BCAS3: variants seen among roughly 807,000 people sequenced by gnomAD.
The protein encoded by BCAS3 is BCAS4/BCAS3 fusion.
A neutral mutation model predicts 116.1 loss-of-function variants in BCAS3; 53 were observed. The observed-to-expected ratio is 0.46, with a 90% CI of 0.37 to 0.57. The LOEUF (loss-of-function observed/expected upper bound fraction) is 0.57. Ranked by LOEUF, BCAS3 falls within the 20% of genes least tolerant of loss-of-function variation. BCAS3 has a pLI of 0.00. For synonymous variants in BCAS3, 391 were observed against 408.2 expected (o/e 0.96, Z 0.51); for missense variants, 917 against 1,165.4 (o/e 0.79, Z 3.10).
chr17:61,034,811 A>AT lies in BCAS3; in HGVS notation c.1762+22dup. 1 of 1,580,134 alleles carries AT rather than the reference A, an allele frequency of 6.3e-7. No individual in the cohort carries two copies. Among genetic ancestry groups the AT allele is most frequent in the African/African-American group, 1.4e-5 (1 of 72,850 alleles). On this transcript the variant is annotated intron_variant, in intron 17 of 23. Transcript: ENST00000407086. This position sits in a 1 kb window ranked among gnomAD's most constrained non-coding sequence, Gnocchi z 5.0. ...AAAAGGTATGTATTTTTACTGAAAA[A>AT]TGAATGCTCTATTTGTAATTTTTGC...
At chr17:61,172,142 A>G (rs2078873360) in intron 22 of BCAS3, among the ~76,000 whole-genome samples, 1 of 152,238 alleles carries the variant, frequency 6.6e-6, no homozygotes, top group African/African-American at 2.4e-5. Context: ...AATTGGGTGA[A>G]CACACAATTA....
At chr17:60,879,429 A>C (rs977676673) in intron 9 of BCAS3, among the ~76,000 whole-genome samples, 7 of 152,206 alleles carry the variant, frequency 4.6e-5, no homozygotes, top group African/African-American at 1.4e-4. Flanking sequence ...GGAACAGGTA[A>C]AGAGAGCTGA....
At chr17:60,875,678 A>G (rs2144920119) in intron 9 of BCAS3, among the ~76,000 whole-genome samples, 1 of 152,154 alleles carries the variant, frequency 6.6e-6, no homozygotes, top group South Asian at 2.1e-4. Flanking sequence ...TAAATATACA[A>G]ATGTCTTCAA....
chr17:61,147,668 C>T (rs1004974005), intron 22 of BCAS3, among the ~76,000 whole-genome samples: 1 of 152,138 alleles, frequency 6.6e-6, no homozygotes, highest in African/African-American at 2.4e-5. Context: ...CTCAATAAAG[C>T]TTTGGGGGAT....
At position 61,204,028 on chromosome 17, in the gene BCAS3, C is replaced by T. The variant is rs1261301278; in HGVS notation, c.2425+119464C>T. Among the ~76,000 whole-genome samples the T allele has an allele frequency of 6.6e-6, 1 of 152,154 alleles. No homozygotes were observed. Among genetic ancestry groups the T allele is most frequent in the African/African-American group, 2.4e-5 (1 of 41,436 alleles). ...TCCTCGGGTTGTTCAGCCTGGTGAC[C>T]CTAGCCGCCTGTGATTTACTAACTG... On this transcript the variant is annotated intron_variant, in intron 22 of 23. Coordinates refer to ENST00000407086, the MANE Select transcript of BCAS3 (RefSeq NM_017679.5). The surrounding 1 kb of genome is among the most constrained non-coding windows in gnomAD (Gnocchi z 4.2).
chr17:60,872,834 TAC>T (rs748891058), intron 8 of BCAS3, among the ~76,000 whole-genome samples: 8 of 150,294 alleles, frequency 5.3e-5, no homozygotes, highest in Admixed American at 1.3e-4. Context: ...TATACACACA[TAC>T]ACACACACAC....
chr17:60,872,511 C>G (rs1019258929), intron 8 of BCAS3, among the ~76,000 whole-genome samples: 8 of 147,158 alleles, frequency 5.4e-5, no homozygotes, highest in African/African-American at 2.0e-4. Flanking sequence ...TACACACATA[C>G]ACACCCCATA....
At position 61,367,003 on chromosome 17, in the gene BCAS3, A is replaced by G. The variant is rs890542932; in HGVS notation, c.2426-1324A>G. Among the ~76,000 whole-genome samples the G allele has an allele frequency of 6.6e-6, 1 of 152,200 alleles. No homozygotes were observed. The highest frequency in any genetic ancestry group is 1.5e-5 in the Non-Finnish European group (1 of 68,028). ...TTATCACCTCAATGCTGTGGCCATT[A>G]TCAGAGGCAGGACCGCCTGCCGAGG... On this transcript the variant is annotated intron_variant, in intron 22 of 23. Transcript: ENST00000407086. This position sits in a 1 kb window ranked among gnomAD's most constrained non-coding sequence, Gnocchi z 6.2.
intron 22 of BCAS3, among the ~76,000 whole-genome samples, chr17:61,175,303 A>T (rs1428289857): frequency 6.6e-6 from 1 of 151,892 alleles, no homozygotes; most frequent in Admixed American, 6.6e-5. Flanking sequence ...GCTACTCAGG[A>T]GACTGAGGCA....
Position 60,678,979 on chromosome 17 carries a change from T to C in BCAS3, c.-5-474T>C, listed in dbSNP as rs566881980. On this transcript the variant is annotated intron_variant, in intron 1 of 23. Coordinates refer to ENST00000407086, the MANE Select transcript of BCAS3 (RefSeq NM_017679.5). Reference sequence around the variant, plus strand: ...TGGCTCAAGCCTATAATCCCAGCACTTTGGGAGGCTAAGGCGGATGGATTG... The same window carrying C: ...TGGCTCAAGCCTATAATCCCAGCACCTTGGGAGGCTAAGGCGGATGGATTG... 2.6e-5 allele frequency among the ~76,000 whole-genome samples: 4 copies of C among 152,288 alleles called. No homozygotes were observed. In the South Asian group the frequency reaches 8.3e-4, roughly 32 times the overall value.
Position 61,235,742 on chromosome 17 carries a change from GA to G in BCAS3, c.2426-132578del, listed in dbSNP as rs536236921. Among the ~76,000 whole-genome samples, 350 of 151,886 alleles carry G rather than the reference GA, an allele frequency of 2.3e-3. 1 individual carries two copies. Among genetic ancestry groups the G allele is most frequent in the Non-Finnish European group, 3.6e-3 (243 of 67,912 alleles). ...AGAAGAAGGAGAAAGAAAGACAAGGGAAAAAAATGGTTAGGGAGGCTGCAAA... is the reference window on the plus strand; with the variant it reads ...AGAAGAAGGAGAAAGAAAGACAAGGGAAAAAATGGTTAGGGAGGCTGCAAA... On this transcript the variant is annotated intron_variant, in intron 22 of 23. Transcript: ENST00000407086. This position sits in a 1 kb window ranked among gnomAD's most constrained non-coding sequence, Gnocchi z 5.0.
chr17:60,762,045 A>C (rs959835257), intron 6 of BCAS3, among the ~76,000 whole-genome samples: 5 of 151,746 alleles, frequency 3.3e-5, no homozygotes, highest in Non-Finnish European at 7.4e-5. Flanking sequence ...CCGCTTTTGG[A>C]TGGGGTTGTT....
chr17:60,709,338 G>A lies in BCAS3; in HGVS notation c.321+13G>A. ...CTGGAGCATCCCTGTAAGTACACAT[G>A]TGGTTGAATACCTAAAACATACTTC... On this transcript the variant is annotated intron_variant, in intron 5 of 23. Transcript: ENST00000407086. The A allele has an allele frequency of 7.0e-7, 1 of 1,432,346 alleles. No homozygotes were observed. The highest frequency in any genetic ancestry group is 9.8e-7 in the Non-Finnish European group (1 of 1,018,174). The allele number at this position is 1,432,346 out of a possible 1,614,324, so 88.7% of individuals were successfully genotyped here. A position where few individuals can be genotyped will look rare whatever the true frequency, so the allele number is the denominator to read the frequency against.
chr17:60,874,534 G>T, intron 8 of BCAS3, 128 bp from the exon 9 acceptor site: 1 of 580,290 alleles, frequency 1.7e-6, no homozygotes, highest in Non-Finnish European at 2.9e-6. Flanking sequence ...TATAGGAAAT[G>T]TTTAATTTTA....
chr17:60,929,011 T>C (rs1255619609), intron 13 of BCAS3, among the ~76,000 whole-genome samples: 1 of 152,230 alleles, frequency 6.6e-6, no homozygotes, highest in Non-Finnish European at 1.5e-5. Flanking sequence ...TTATTATTTG[T>C]CTTACAGTTT....
intron 5 of BCAS3, among the ~76,000 whole-genome samples, chr17:60,728,001 G>T (rs1409167306): frequency 6.6e-6 from 1 of 151,758 alleles, no homozygotes; most frequent in Non-Finnish European, 1.5e-5. Flanking sequence ...TAGAGATGGG[G>T]TTTCGCCATG....
intron 14 of BCAS3, among the ~76,000 whole-genome samples, chr17:60,983,024 T>C (rs1220652985): frequency 6.6e-6 from 1 of 152,188 alleles, no homozygotes; most frequent in Admixed American, 6.5e-5. Context: ...CTAGTGAGTG[T>C]CTTAAAGAAA....
chr17:60,877,733 G>T (rs1239998851), intron 9 of BCAS3, among the ~76,000 whole-genome samples: 1 of 152,194 alleles, frequency 6.6e-6, no homozygotes, highest in Non-Finnish European at 1.5e-5. Context: ...TCCTGGTCAA[G>T]TGGCTGGAGG....
chr17:61,220,033 C>T lies in BCAS3; in HGVS notation c.2425+135469C>T, dbSNP rs111702767. Among the ~76,000 whole-genome samples the T allele has an allele frequency of 5.9e-5, 9 of 152,124 alleles. No individual in the cohort carries two copies. Among genetic ancestry groups the T allele is most frequent in the Non-Finnish European group, 1.0e-4 (7 of 68,022 alleles). On this transcript the variant is annotated intron_variant, in intron 22 of 23. Coordinates refer to ENST00000407086, the MANE Select transcript of BCAS3 (RefSeq NM_017679.5). This position sits in a 1 kb window ranked among gnomAD's most constrained non-coding sequence, Gnocchi z 4.5. Reference sequence around the variant, plus strand: ...GTTTTCGGCCGGGCGCGGTGGCTCACGCCTGTAATCCCAGCACTTTGGGAG... The same window carrying T: ...GTTTTCGGCCGGGCGCGGTGGCTCATGCCTGTAATCCCAGCACTTTGGGAG...
Sources: gnomAD v4.1 joint callset for allele counts (sites outside exome capture counted in the v4.1 genomes callset) on GRCh38, gnomAD v4.1.1 for gene constraint, Gnocchi (gnomAD v3.1) non-coding constraint, MANE v1.5 for transcripts, NCBI Gene and HGNC (gene_info 2026-07-23, HGNC 2026-07-21) for gene names.